CLCC1: variants seen among roughly 807,000 people sequenced by gnomAD.
The protein encoded by CLCC1 is chloride channel CLIC like 1.
Under a neutral mutation model 63.3 loss-of-function variants are expected in CLCC1, and 39 were observed. That is an observed-to-expected ratio of 0.62 (90% confidence interval 0.48 to 0.81). The LOEUF (loss-of-function observed/expected upper bound fraction) is 0.81, where lower values mean the gene tolerates loss of function less well. Ranked by LOEUF, CLCC1 falls within the 30% of genes least tolerant of loss-of-function variation. The probability of loss-of-function intolerance (pLI) is 0.00; values close to 1 mark genes in which losing one functional copy is unlikely to be tolerated. For synonymous variants in CLCC1, 217 were observed against 239.8 expected, an observed-to-expected ratio of 0.90 and a Z score of 0.88; for missense variants, 549 against 669.4, an observed-to-expected ratio of 0.82 and a Z score of 1.98.
intron 9 of CLCC1, 123 bp downstream of exon 9, chr1:108,939,921 CT>C: frequency 7.8e-7 from 1 of 1,274,890 alleles, no homozygotes; most frequent in Non-Finnish European, 1.1e-6. Context: ...GTGAAAATCA[CT>C]GTGCAAAAGT....
chr1:108,950,833 AACT>A (rs1347512579), intron 2 of CLCC1, among the ~76,000 whole-genome samples: 6 of 152,098 alleles, frequency 3.9e-5, no homozygotes, highest in Non-Finnish European at 7.4e-5. Context: ...TTGTAATGAA[AACT>A]ACTTCCTTCT....
rs34324137 is a variant in CLCC1 at position 108,956,660 on chromosome 1, C to CAA, written c.-12+5647_-12+5648dup. Among the ~76,000 whole-genome samples the CAA allele has an allele frequency of 6.8e-3, 909 of 133,578 alleles. 41 individuals carry two copies. Among genetic ancestry groups the CAA allele is most frequent in the African/African-American group, 0.024 (816 of 34,666 alleles). The allele number at this position is 133,578 out of a possible 152,430, so 87.6% of individuals were successfully genotyped here. A position where few individuals can be genotyped will look rare whatever the true frequency, so the allele number is the denominator to read the frequency against. ...TGGGTGACACAGCGAGACTCCGTCT[C>CAA]AAAAAAAAAAAAAGCATTACACTTT... is the stretch of plus-strand genomic sequence containing the variant. On this transcript the variant is annotated intron_variant, in intron 2 of 12. Coordinates refer to ENST00000369969, the MANE Select transcript of CLCC1 (RefSeq NM_001377458.1).
chr1:108,937,410 G>A lies in CLCC1; in HGVS notation c.1050C>T (p.Cys350=). The A allele has an allele frequency of 6.3e-7, 1 of 1,589,204 alleles. No homozygotes were observed. Residue 350 remains cysteine (C), a synonymous_variant, in exon 11 of 13, where the codon TGC becomes TGT. Coordinates refer to ENST00000369969, the MANE Select transcript of CLCC1 (RefSeq NM_001377458.1). The stretch of plus-strand genomic sequence containing the variant: ...CATGAACTGATTTTCCAGCACCATA[G>A]CAGAAACTCTGTAAGGAAAAGAAAT... ...IIMALAILSF[C]YGAGKSVHVL...
Position 108,930,101 on chromosome 1 carries a change from C to A in CLCC1, c.*2446G>T. ...GTAGTCTATTAAGGCATTAATACTTCTCTGGACATGCGCGTTTGAGGGTGG... is the reference window on the plus strand; with the variant it reads ...GTAGTCTATTAAGGCATTAATACTTATCTGGACATGCGCGTTTGAGGGTGG... On this transcript the variant is annotated 3_prime_UTR_variant, in exon 13 of 13. Coordinates refer to ENST00000369969, the MANE Select transcript of CLCC1 (RefSeq NM_001377458.1). 2 of 681,330 alleles carry A rather than the reference C, an allele frequency of 2.9e-6. No homozygotes were observed. Among genetic ancestry groups the A allele is most frequent in the Non-Finnish European group, 2.4e-6 (1 of 409,416 alleles). 42.2% of individuals were successfully genotyped at this position (681,330 alleles called of 1,614,324 possible).
In CLCC1 at chr1:108,931,653, T is replaced by A; in HGVS notation, c.*894A>T. 7 of 919,836 alleles carry A rather than the reference T, an allele frequency of 7.6e-6. No individual in the cohort carries two copies. Among genetic ancestry groups the A allele is most frequent in the Non-Finnish European group, 1.1e-5 (7 of 650,512 alleles). 57.0% of individuals were successfully genotyped at this position (919,836 alleles called of 1,614,324 possible). On this transcript the variant is annotated 3_prime_UTR_variant, in exon 13 of 13. Coordinates refer to ENST00000369969, the MANE Select transcript of CLCC1 (RefSeq NM_001377458.1). ...TAAAAAAAAAAAAAAAGTTCTAAATTACAACCTGGATTACATTATGTTTCA... is the reference window on the plus strand; with the variant it reads ...TAAAAAAAAAAAAAAAGTTCTAAATAACAACCTGGATTACATTATGTTTCA...
intron 2 of CLCC1, among the ~76,000 whole-genome samples, chr1:108,952,812 A>AG (rs1557898816): frequency 2.6e-5 from 4 of 151,398 alleles, no homozygotes; most frequent in Non-Finnish European, 2.9e-5. Context: ...AAAAAAAAAA[A>AG]AAAGAAAGAA....
In CLCC1 at chr1:108,954,817, CGTGTGTGTGTGT is replaced by C. The variant is rs58482013; in HGVS notation, c.-11-4381_-11-4370del. Among the ~76,000 whole-genome samples, 6 of 140,520 alleles carry C rather than the reference CGTGTGTGTGTGT, an allele frequency of 4.3e-5. 1 individual carries two copies. The highest frequency in any genetic ancestry group is 4.6e-4 in the South Asian group (2 of 4,370). The allele number at this position is 140,520 out of a possible 152,430, so 92.2% of individuals were successfully genotyped here. On this transcript the variant is annotated intron_variant, in intron 2 of 12. Coordinates refer to ENST00000369969, the MANE Select transcript of CLCC1 (RefSeq NM_001377458.1). Reference sequence around the variant, plus strand: ...TACTGTATACTGGGCACTGTCTTTGCGTGTGTGTGTGTGTGTGTGTGTGTGTGTGTGTGTGAC... The same window carrying C: ...TACTGTATACTGGGCACTGTCTTTGCGTGTGTGTGTGTGTGTGTGTGTGAC...
chr1:108,939,867 AAAGT>A, intron 9 of CLCC1, 85 bp from the exon 10 acceptor site: 6 of 1,408,770 alleles, frequency 4.3e-6, no homozygotes, highest in Non-Finnish European at 5.8e-6. Context: ...ACTGATGCTG[AAAGT>A]ATGTTACATA....
intron 2 of CLCC1, among the ~76,000 whole-genome samples, chr1:108,955,700 G>A (rs1240943053): frequency 2.0e-5 from 3 of 151,470 alleles, no homozygotes; most frequent in Non-Finnish European, 4.4e-5. Context: ...GCACCATTCA[G>A]TCAGCTGGGG....
intron 1 of CLCC1, 116 bp downstream of exon 1, chr1:108,963,245 G>C (rs1656905465): frequency 3.3e-6 from 2 of 608,432 alleles, no homozygotes; most frequent in African/African-American, 1.9e-5. Flanking sequence ...CCCCGCCCCG[G>C]GTCGCGCCTG....
At chr1:108,950,864 T>C (rs2101686906) in intron 2 of CLCC1, among the ~76,000 whole-genome samples, 1 of 152,242 alleles carries the variant, frequency 6.6e-6, no homozygotes, top group South Asian at 2.1e-4. Context: ...AGATAACACT[T>C]TCTGAACAGT....
At chr1:108,958,869 G>C (rs1355201905) in intron 2 of CLCC1, among the ~76,000 whole-genome samples, 1 of 144,992 alleles carries the variant, frequency 6.9e-6, no homozygotes. Context: ...GACAGAGCGA[G>C]ACTCCATCTC....
chr1:108,959,776 A>G (rs1180154318), intron 2 of CLCC1, among the ~76,000 whole-genome samples: 1 of 152,248 alleles, frequency 6.6e-6, no homozygotes, highest in Non-Finnish European at 1.5e-5. Flanking sequence ...AAGATGGAGT[A>G]ACAGGGACCA....
intron 2 of CLCC1, among the ~76,000 whole-genome samples, chr1:108,953,802 G>T (rs896440787): frequency 1.3e-5 from 2 of 151,926 alleles, no homozygotes; most frequent in Non-Finnish European, 2.9e-5. Flanking sequence ...CCTGAGGTCA[G>T]GAGTTCGAGA....
In CLCC1 at chr1:108,931,481, C is replaced by A; in HGVS notation, c.*1066G>T. On this transcript the variant is annotated 3_prime_UTR_variant, in exon 13 of 13. Coordinates refer to ENST00000369969, the MANE Select transcript of CLCC1 (RefSeq NM_001377458.1). ...TTCACTCTGCTTGCTTCAGACTGTG[C>A]ACAGCTGGGATGGGATCTGGGGATG... 3.2e-6 allele frequency: 5 copies of A among 1,550,506 alleles called. No individual in the cohort carries two copies. The South Asian group carries it at 4.8e-5, about 15-fold the overall frequency.
Position 108,941,636 on chromosome 1 carries a change from A to C in CLCC1, c.703-138T>G, listed in dbSNP as rs184248907. The C allele has an allele frequency of 2.8e-3, 1,333 of 473,668 alleles. 9 individuals carry two copies. Among genetic ancestry groups the C allele is most frequent in the Middle Eastern group, 0.023 (51 of 2,180 alleles). 29.3% of individuals were successfully genotyped at this position (473,668 alleles called of 1,614,324 possible). Reference sequence around the variant, plus strand: ...GTTATAAATTTTTAATTAAAAAAAAACATATTATTATTACTATTTTTTCTC... The same window carrying C: ...GTTATAAATTTTTAATTAAAAAAAACCATATTATTATTACTATTTTTTCTC... On this transcript the variant is annotated intron_variant, in intron 7 of 12. Transcript: ENST00000369969.
At chr1:108,936,119 G>A (rs954012529) in intron 11 of CLCC1, among the ~76,000 whole-genome samples, 11 of 121,744 alleles carry the variant, frequency 9.0e-5, no homozygotes, top group African/African-American at 3.0e-4. Flanking sequence ...TTGAGACGAC[G>A]TCTCACTCTG....
At chr1:108,946,950 G>C (rs1474266675) in intron 5 of CLCC1, among the ~76,000 whole-genome samples, 1 of 152,076 alleles carries the variant, frequency 6.6e-6, no homozygotes, top group Non-Finnish European at 1.5e-5. Context: ...GATCACCTGA[G>C]GTCAGGAGTT....
chr1:108,942,993 G>A (rs1021084286), intron 7 of CLCC1, among the ~76,000 whole-genome samples: 5 of 151,736 alleles, frequency 3.3e-5, no homozygotes, highest in African/African-American at 1.2e-4. Flanking sequence ...TTGGCTCACT[G>A]CAACCTCTCA....
Sources: allele counts gnomAD v4.1 joint callset (sites outside exome capture counted in the v4.1 genomes callset), GRCh38; gene constraint gnomAD v4.1.1; transcripts MANE v1.5; gene names NCBI Gene and HGNC (gene_info 2026-07-23, HGNC 2026-07-21).